The following GLCCI1 variants were observed in gnomAD, a reference collection of about 807,000 sequenced individuals.
GLCCI1 encodes glucocorticoid induced 1.
In GLCCI1, 24 loss-of-function variants were observed where a neutral mutation model predicts 52.2. The observed-to-expected ratio is 0.46, with a 90% CI of 0.33 to 0.65. The LOEUF (loss-of-function observed/expected upper bound fraction) is 0.65, where lower values mean the gene tolerates loss of function less well. GLCCI1 is among the 30% of genes least tolerant of loss of function. GLCCI1 has a pLI of 0.02. For synonymous variants in GLCCI1, 310 were observed against 276.5 expected (o/e 1.12, Z -1.20); for missense variants, 704 against 701.5 (o/e 1.00, Z -0.04).
At chr7:8,027,826 A>T (rs944135556) in intron 3 of GLCCI1, among the ~76,000 whole-genome samples, 1 of 152,232 alleles carries the variant, frequency 6.6e-6, no homozygotes, top group African/African-American at 2.4e-5. Context: ...TGCTATGCTT[A>T]TGTCAGGCAA....
At chr7:8,055,581 T>C (rs1390098196) in intron 4 of GLCCI1, 32 bp downstream of exon 4, 2 of 1,229,840 alleles carry the variant, frequency 1.6e-6, no homozygotes, top group African/African-American at 3.0e-5. Flanking sequence ...ATTTGAATAA[T>C]TACTTTTAGT....
intron 3 of GLCCI1, among the ~76,000 whole-genome samples, chr7:8,042,897 A>G (rs544403580): frequency 6.6e-6 from 1 of 152,214 alleles, no homozygotes; most frequent in Non-Finnish European, 1.5e-5. Flanking sequence ...GTAAAATGCT[A>G]TCAAACAGCA....
intron 3 of GLCCI1, among the ~76,000 whole-genome samples, chr7:8,029,069 G>A (rs1480351304): frequency 6.6e-6 from 1 of 152,124 alleles, no homozygotes; most frequent in Admixed American, 6.5e-5. Flanking sequence ...CCAAAAAATG[G>A]AGGGAGATGG....
At chr7:8,046,802 T>A (rs1782139503) in intron 3 of GLCCI1, among the ~76,000 whole-genome samples, 2 of 152,208 alleles carry the variant, frequency 1.3e-5, no homozygotes, top group Non-Finnish European at 2.9e-5. Flanking sequence ...CCATGGTCAC[T>A]CATATTTGGC....
At chr7:7,976,040 T>G (rs1378304357) in intron 1 of GLCCI1, among the ~76,000 whole-genome samples, 4 of 152,204 alleles carry the variant, frequency 2.6e-5, no homozygotes, top group African/African-American at 9.7e-5. Flanking sequence ...TCCCAGCAAC[T>G]GGCACTAGGT....
At chr7:8,000,610 A>G (rs1583960098) in intron 1 of GLCCI1, among the ~76,000 whole-genome samples, 1 of 152,328 alleles carries the variant, frequency 6.6e-6, no homozygotes, top group East Asian at 1.9e-4. Context: ...GTTTTATGAT[A>G]CACATAAAAA....
At chr7:8,054,950 GC>G (rs1782352104) in intron 3 of GLCCI1, among the ~76,000 whole-genome samples, 1 of 151,816 alleles carries the variant, frequency 6.6e-6, no homozygotes, top group Non-Finnish European at 1.5e-5. Flanking sequence ...TTACTAAATA[GC>G]TTTGATTCTC....
chr7:7,993,132 C>T (rs1208672846), intron 1 of GLCCI1, among the ~76,000 whole-genome samples: 1 of 152,124 alleles, frequency 6.6e-6, no homozygotes. Flanking sequence ...TATTCCCTTA[C>T]AATAACTTTA....
chr7:8,023,837 G>A (rs958948544), intron 3 of GLCCI1, among the ~76,000 whole-genome samples: 6 of 151,706 alleles, frequency 4.0e-5, no homozygotes, highest in South Asian at 2.1e-4. Flanking sequence ...GACCTTAAGC[G>A]ATCTGCCCAC....
chr7:8,048,639 T>G (rs1187929228), intron 3 of GLCCI1, among the ~76,000 whole-genome samples: 1 of 152,172 alleles, frequency 6.6e-6, no homozygotes, highest in East Asian at 1.9e-4. Flanking sequence ...TCTTAGGTAT[T>G]AGATTTGATT....
Position 8,086,137 on chromosome 7 carries a change from T to G in GLCCI1, c.1299-56T>G, listed in dbSNP as rs1453401889. On this transcript the variant is annotated intron_variant, in intron 7 of 7. Coordinates refer to ENST00000223145, the MANE Select transcript of GLCCI1 (RefSeq NM_138426.4). The surrounding 1 kb of genome is among the most constrained non-coding windows in gnomAD (Gnocchi z 4.4). ...AGAGAACTCCAGTTAATTCAGAAAA[T>G]GCTTAACTTTTTCTGTGTTCATGAT... 7.0e-7 allele frequency: 1 copy of G among 1,426,786 alleles called. No individual in the cohort carries two copies. The highest frequency in any genetic ancestry group is 2.3e-5 in the East Asian group (1 of 44,026). The allele number at this position is 1,426,786 out of a possible 1,614,324, so 88.4% of individuals were successfully genotyped here. A position where few individuals can be genotyped will look rare whatever the true frequency, so the allele number is the denominator to read the frequency against.
At chr7:8,063,018 G>C (rs528429177) in intron 5 of GLCCI1, among the ~76,000 whole-genome samples, 1 of 152,268 alleles carries the variant, frequency 6.6e-6, no homozygotes, top group African/African-American at 2.4e-5. Flanking sequence ...TGGTAATTCT[G>C]CTTTGAGTTG....
chr7:8,064,367 C>A (rs1008198450), intron 5 of GLCCI1, among the ~76,000 whole-genome samples: 2 of 152,166 alleles, frequency 1.3e-5, no homozygotes, highest in African/African-American at 4.8e-5. Flanking sequence ...GGAGTACTTT[C>A]CCCATTGCTT....
intron 1 of GLCCI1, among the ~76,000 whole-genome samples, chr7:7,972,771 T>G (rs1308504011): frequency 6.6e-6 from 1 of 152,120 alleles, no homozygotes; most frequent in Non-Finnish European, 1.5e-5. Flanking sequence ...ATTATAATAT[T>G]AATTTATACA....
chr7:7,997,935 A>G (rs1780968302), intron 1 of GLCCI1, among the ~76,000 whole-genome samples: 1 of 16,488 alleles, frequency 6.1e-5, no homozygotes, highest in Non-Finnish European at 1.8e-4. Context: ...TCAAATAAAT[A>G]AATAAATAAA....
intron 5 of GLCCI1, among the ~76,000 whole-genome samples, chr7:8,067,644 T>C (rs1043892584): frequency 2.0e-5 from 3 of 152,208 alleles, no homozygotes; most frequent in African/African-American, 7.2e-5. Context: ...TTAGTTTGAC[T>C]AGATAGCCAC....
intron 2 of GLCCI1, among the ~76,000 whole-genome samples, chr7:8,011,352 C>A (rs1781258757): frequency 6.6e-6 from 1 of 152,084 alleles, no homozygotes; most frequent in African/African-American, 2.4e-5. Context: ...TATTTTCTGT[C>A]TCTGTGAATA....
Position 8,088,044 on chromosome 7 carries a change from G to A in GLCCI1, c.*1506G>A, listed in dbSNP as rs769636286. ...TAAAACCTAGAGTTGTTTCATCTGC[G>A]CCTAAAGTGTATGGCACAATTTTCT... On this transcript the variant is annotated 3_prime_UTR_variant, in exon 8 of 8. Coordinates refer to ENST00000223145, the MANE Select transcript of GLCCI1 (RefSeq NM_138426.4). 4 of 152,060 alleles carry A rather than the reference G, an allele frequency of 2.6e-5. No individual in the cohort carries two copies. The highest frequency in any genetic ancestry group is 6.6e-5 in the Admixed American group (1 of 15,250). The allele number at this position is 152,060 out of a possible 1,614,324, so 9.4% of individuals were successfully genotyped here. A position where few individuals can be genotyped will look rare whatever the true frequency, so the allele number is the denominator to read the frequency against.
At chr7:8,006,437 A>G (rs1222342935) in intron 2 of GLCCI1, among the ~76,000 whole-genome samples, 1 of 152,208 alleles carries the variant, frequency 6.6e-6, no homozygotes, top group African/African-American at 2.4e-5. Flanking sequence ...CTGATTTTTT[A>G]TCTGTGCAGT....
Sources: allele counts gnomAD v4.1 joint callset (sites outside exome capture counted in the v4.1 genomes callset), GRCh38; gene constraint gnomAD v4.1.1; non-coding constraint Gnocchi (gnomAD v3.1); transcripts MANE v1.5; gene names NCBI Gene and HGNC (gene_info 2026-07-23, HGNC 2026-07-21).